SEC61A2: variants seen among roughly 807,000 people sequenced by gnomAD.
SEC61A2 encodes the protein SEC61 translocon subunit alpha 2.
A neutral mutation model predicts 59.9 loss-of-function variants in SEC61A2; 28 were observed. The ratio of observed to expected loss-of-function variants is 0.47; its 90% CI spans 0.35 to 0.64. The LOEUF (loss-of-function observed/expected upper bound fraction) is 0.64, where lower values mean the gene tolerates loss of function less well. Ranked by LOEUF, SEC61A2 falls within the 30% of genes least tolerant of loss-of-function variation. The pLI, the probability that SEC61A2 is intolerant of heterozygous loss-of-function variation, is 0.01. For missense variants in SEC61A2, 340 were observed against 585.9 expected (o/e 0.58, Z 4.33); for synonymous variants, 202 against 214.4 (o/e 0.94, Z 0.50).
intron 2 of SEC61A2, among the ~76,000 whole-genome samples, chr10:12,134,218 A>G (rs1450161009): frequency 4.6e-5 from 7 of 152,300 alleles, no homozygotes; most frequent in South Asian, 4.1e-4. Flanking sequence ...CGTGTTAGCC[A>G]GGATGGTCTC....
chr10:12,168,534 C>T (rs1834768588), downstream of SEC61A2, among the ~76,000 whole-genome samples: 1 of 151,732 alleles, frequency 6.6e-6, no homozygotes. This position sits in a 1 kb window ranked among gnomAD's most constrained non-coding sequence, Gnocchi z 4.8. Context: ...TGGAGATCTA[C>T]TACCAAGAAT....
At chr10:12,169,290 A>G (rs1477901133), downstream of SEC61A2, 2 of 1,555,080 alleles carry the variant, frequency 1.3e-6, no homozygotes, top group Non-Finnish European at 8.7e-7. This position sits in a 1 kb window ranked among gnomAD's most constrained non-coding sequence, Gnocchi z 4.8. Context: ...TGGAAGGGAG[A>G]AGGAAGACAT....
Position 12,153,862 on chromosome 10 carries a change from T to C in SEC61A2, c.463-1916T>C, listed in dbSNP as rs565253394. 229 of 1,489,038 alleles carry C rather than the reference T, an allele frequency of 1.5e-4. No individual in the cohort carries two copies. The African/African-American group carries it at 2.7e-3, about 18-fold the overall frequency. 92.2% of individuals were successfully genotyped at this position (1,489,038 alleles called of 1,614,324 possible). On this transcript the variant is annotated intron_variant, in intron 6 of 11. Transcript: ENST00000298428. The surrounding 1 kb of genome is among the most constrained non-coding windows in gnomAD (Gnocchi z 5.2). ...GTTGTGGAAGGTATTTCTCACCTTA[T>C]TTGTTTATGTTTCATTCACGTGGTT...
Position 12,142,585 on chromosome 10 carries a change from A to G in SEC61A2, c.142-532A>G. Reference sequence around the variant, plus strand: ...AGGCAGGTATAATATTCCATAATCTACTGGTGGGAGTGTTTTTTAAATTGT... The same window carrying G: ...AGGCAGGTATAATATTCCATAATCTGCTGGTGGGAGTGTTTTTTAAATTGT... On this transcript the variant is annotated intron_variant, in intron 3 of 11. Coordinates refer to ENST00000298428, the MANE Select transcript of SEC61A2 (RefSeq NM_018144.4). This position sits in a 1 kb window ranked among gnomAD's most constrained non-coding sequence, Gnocchi z 5.4. The G allele has an allele frequency of 1.2e-6, 1 of 839,250 alleles. No individual in the cohort carries two copies. Among genetic ancestry groups the G allele is most frequent in the Non-Finnish European group, 1.4e-6 (1 of 696,622 alleles). The allele number at this position is 839,250 out of a possible 1,614,324, so 52.0% of individuals were successfully genotyped here. A position where few individuals can be genotyped will look rare whatever the true frequency, so the allele number is the denominator to read the frequency against.
downstream of SEC61A2, chr10:12,167,631 T>C (rs1192709013): frequency 2.8e-6 from 4 of 1,416,112 alleles, no homozygotes; most frequent in Non-Finnish European, 4.0e-6. Context: ...TTAAACTAAG[T>C]TGAATACAAA....
At position 12,155,938 on chromosome 10, in the gene SEC61A2, C is replaced by T. The variant is rs377164651; in HGVS notation, c.616+7C>T. On this transcript the variant is annotated splice_region_variant and intron_variant, in intron 7 of 11. Transcript: ENST00000298428. The surrounding 1 kb of genome is among the most constrained non-coding windows in gnomAD (Gnocchi z 4.3). ...ACCATTAACACTGGCAGAGGTACAT[C>T]GCACAGCGACTGCAACTGCACGCGT... The T allele has an allele frequency of 2.0e-5, 33 of 1,613,992 alleles. No individual in the cohort carries two copies. The highest frequency in any genetic ancestry group is 1.0e-4 in the Admixed American group (6 of 60,002).
Position 12,143,215 on chromosome 10 carries a change from C to T in SEC61A2, c.220+20C>T, listed in dbSNP as rs184206264. 3.3e-6 allele frequency: 5 copies of T among 1,503,718 alleles called. No homozygotes were observed. In the African/African-American group the frequency reaches 6.9e-5, roughly 21 times the overall value. The allele number at this position is 1,503,718 out of a possible 1,614,324, so 93.1% of individuals were successfully genotyped here. On this transcript the variant is annotated intron_variant, in intron 4 of 11. Coordinates refer to ENST00000298428, the MANE Select transcript of SEC61A2 (RefSeq NM_018144.4). The surrounding 1 kb of genome is among the most constrained non-coding windows in gnomAD (Gnocchi z 4.8). ...ATAGAGGTATGCGTGTCTTTTCTGTCTCCACACTCCTACTCACAGCAAACA... is the reference window on the plus strand; with the variant it reads ...ATAGAGGTATGCGTGTCTTTTCTGTTTCCACACTCCTACTCACAGCAAACA...
rs1834228914 is a variant in SEC61A2 at position 12,149,565 on chromosome 10, A to G, written c.221-30A>G. ...TCAGTTTGTATCGTGTACAGCAAAC[A>G]TTGCACACTTCTCTCCCCTTCCTTT... On this transcript the variant is annotated intron_variant, in intron 4 of 11. Coordinates refer to ENST00000298428, the MANE Select transcript of SEC61A2 (RefSeq NM_018144.4). The surrounding 1 kb of genome is among the most constrained non-coding windows in gnomAD (Gnocchi z 5.2). 2 of 1,577,078 alleles carry G rather than the reference A, an allele frequency of 1.3e-6. No homozygotes were observed. The highest frequency in any genetic ancestry group is 4.5e-5 in the East Asian group (2 of 44,696).
intron 3 of SEC61A2, 131 bp downstream of exon 3, chr10:12,136,301 T>A (rs1240218368): frequency 2.1e-6 from 1 of 483,318 alleles, no homozygotes; most frequent in Non-Finnish European, 3.6e-6. Flanking sequence ...ATTATCCTTT[T>A]TATTTTTTAT....
At position 12,133,259 on chromosome 10, in the gene SEC61A2, T is replaced by C; in HGVS notation, c.26T>C (p.Ile9Thr). The change falls in exon 2 of 12, where the codon ATC becomes ACC. Residue 9 changes from isoleucine (I) to threonine (T), a missense_variant. By Grantham distance (89) the Ile-to-Thr change is moderately conservative. Around this residue, in one of 3 missense-constraint regions of SEC61A2, gnomAD observed 41 missense variants for 47.6 expected, o/e 0.86. Transcript: ENST00000298428. ...TTTACAGTCAAATTTTTAGAAGTTA[T>C]CAAACCATTCTGTGCAGTTCTACCA... MGIKFLEV[I>T]KPFCAVLPEI... 1 of 1,541,410 alleles carries C rather than the reference T, an allele frequency of 6.5e-7. No homozygotes were observed. The highest frequency in any genetic ancestry group is 8.9e-7 in the Non-Finnish European group (1 of 1,120,376).
At chr10:12,140,263 T>TACAGAAACA (rs1297232972) in intron 3 of SEC61A2, among the ~76,000 whole-genome samples, 4 of 152,234 alleles carry the variant, frequency 2.6e-5, no homozygotes, top group Admixed American at 2.0e-4. Flanking sequence ...GACTTCAGGG[T>TACAGAAACA]ACAGAAACAA....
rs1223425243 is a variant in SEC61A2 at position 12,154,955 on chromosome 10, AT to A, written c.463-821del. On this transcript the variant is annotated intron_variant, in intron 6 of 11. Transcript: ENST00000298428. The surrounding 1 kb of genome is among the most constrained non-coding windows in gnomAD (Gnocchi z 5.2). ...GGAAGCATATTTTCTTCCTGTCTTG[AT>A]TAGGTTATTTGAGTGCAGGGAAGGG... is the stretch of plus-strand genomic sequence containing the variant. Among the ~76,000 whole-genome samples, 5 of 152,184 alleles carry A rather than the reference AT, an allele frequency of 3.3e-5. No individual in the cohort carries two copies. In the East Asian group the frequency reaches 9.7e-4, roughly 29 times the overall value.
chr10:12,142,751 T>G lies in SEC61A2; in HGVS notation c.142-366T>G, dbSNP rs1045875644. Among the ~76,000 whole-genome samples, 1 of 152,198 alleles carries G rather than the reference T, an allele frequency of 6.6e-6. No homozygotes were observed. Among genetic ancestry groups the G allele is most frequent in the African/African-American group, 2.4e-5 (1 of 41,460 alleles). On this transcript the variant is annotated intron_variant, in intron 3 of 11. Transcript: ENST00000298428. This position sits in a 1 kb window ranked among gnomAD's most constrained non-coding sequence, Gnocchi z 5.4. The stretch of plus-strand genomic sequence containing the variant: ...AATGCACCAAGTGATGATTTGTTGT[T>G]TTTATTTTTATTTTCACTTTCTGGT...
rs369663352 is a variant in SEC61A2 at position 12,161,146 on chromosome 10, T to G, written c.1167+25T>G. Reference sequence around the variant, plus strand: ...TGTAAGTGTTTGGTTTATTTTAAAATAAAACTCTTGGCAATGCATGGTGGC... The same window carrying G: ...TGTAAGTGTTTGGTTTATTTTAAAAGAAAACTCTTGGCAATGCATGGTGGC... On this transcript the variant is annotated intron_variant, in intron 10 of 11. Coordinates refer to ENST00000298428, the MANE Select transcript of SEC61A2 (RefSeq NM_018144.4). The surrounding 1 kb of genome is among the most constrained non-coding windows in gnomAD (Gnocchi z 5.4). 15 of 1,568,472 alleles carry G rather than the reference T, an allele frequency of 9.6e-6. No individual in the cohort carries two copies. Among genetic ancestry groups the G allele is most frequent in the African/African-American group, 1.4e-5 (1 of 73,016 alleles).
At chr10:12,133,159 T>A (rs979250046) in intron 1 of SEC61A2, 82 bp from the exon 2 acceptor site, 1 of 699,584 alleles carries the variant, frequency 1.4e-6, no homozygotes, top group Non-Finnish European at 2.4e-6. Context: ...TGAAAGAGAA[T>A]CTTTGTATTT....
chr10:12,161,618 G>A lies in SEC61A2; in HGVS notation c.1167+497G>A, dbSNP rs2077156867. Among the ~76,000 whole-genome samples the A allele has an allele frequency of 6.6e-6, 1 of 152,254 alleles. No homozygotes were observed. The highest frequency in any genetic ancestry group is 2.1e-4 in the South Asian group (1 of 4,820). On this transcript the variant is annotated intron_variant, in intron 10 of 11. Transcript: ENST00000298428. This position sits in a 1 kb window ranked among gnomAD's most constrained non-coding sequence, Gnocchi z 5.4. ...TAGCTGGGCGTGGCAGCGCATGCCT[G>A]TAATCCCAGCCACTCAGGAGGCTGA...
intron 4 of SEC61A2, among the ~76,000 whole-genome samples, chr10:12,146,099 C>T (rs1330300362): frequency 1.3e-5 from 2 of 152,152 alleles, no homozygotes; most frequent in Non-Finnish European, 2.9e-5. Context: ...TGGCTCACTG[C>T]AACCTCCACT....
At position 12,145,925 on chromosome 10, in the gene SEC61A2, A is replaced by C. The variant is rs887597198; in HGVS notation, c.220+2730A>C. Among the ~76,000 whole-genome samples the C allele has an allele frequency of 2.6e-5, 4 of 152,246 alleles. No individual in the cohort carries two copies. Among genetic ancestry groups the C allele is most frequent in the African/African-American group, 9.6e-5 (4 of 41,462 alleles). ...GATGAACAGCTAAGCCCCAGGAAGA[A>C]GGGGAGCAAGGCCAGCCCTTAGGCC... is the stretch of plus-strand genomic sequence containing the variant. On this transcript the variant is annotated intron_variant, in intron 4 of 11. Coordinates refer to ENST00000298428, the MANE Select transcript of SEC61A2 (RefSeq NM_018144.4). The surrounding 1 kb of genome is among the most constrained non-coding windows in gnomAD (Gnocchi z 4.4).
chr10:12,140,634 C>T (rs10906085), intron 3 of SEC61A2, among the ~76,000 whole-genome samples: 10,411 of 152,230 alleles, frequency 0.068, 815 homozygotes, highest in African/African-American at 0.18. Context: ...CTCACTCTGT[C>T]ACCCAGGCTG....
Sources: gnomAD v4.1 joint callset for allele counts (sites outside exome capture counted in the v4.1 genomes callset) on GRCh38, gnomAD v4.1.1 for gene constraint, gnomAD v4.1.1 regional missense constraint, Gnocchi (gnomAD v3.1) non-coding constraint, MANE v1.5 for transcripts, NCBI Gene and HGNC (gene_info 2026-07-23, HGNC 2026-07-21) for gene names.